PSME4: variants seen among roughly 807,000 people sequenced by gnomAD.
The protein encoded by PSME4 is proteasome activator subunit 4, also known as proteasome activator complex subunit 4.
In PSME4, 89 loss-of-function variants were observed where a neutral mutation model predicts 253.9. The observed-to-expected ratio is 0.35, with a 90% CI of 0.30 to 0.42. PSME4 has a LOEUF of 0.42. Ranked by LOEUF, PSME4 falls within the 10% of genes least tolerant of loss-of-function variation. The probability of loss-of-function intolerance (pLI) is 1.00; values close to 1 mark genes in which losing one functional copy is unlikely to be tolerated. For synonymous variants in PSME4, 851 were observed against 759.2 expected (o/e 1.12, Z -1.99); for missense variants, 2,014 against 2,195.2 (o/e 0.92, Z 1.65).
At position 53,948,465 on chromosome 2, in the gene PSME4, T is replaced by A. The variant is rs2104475774; in HGVS notation, c.456A>T (p.Ile152=). The change falls in exon 3 of 47, where the codon ATA becomes ATT. Residue 152 remains isoleucine, a synonymous_variant. Coordinates refer to ENST00000404125, the MANE Select transcript of PSME4 (RefSeq NM_014614.3). ...CTAGGTGCTCTGTCTTGGAATATAA[T>A]ATTCTTTCTACCATGTCATAAAGTG... ...WRPLYDMVER[I]LYSKTEHLGL... is the part of the protein sequence containing the mutation. 6.2e-7 allele frequency: 1 copy of A among 1,613,544 alleles called. No homozygotes were observed. Among genetic ancestry groups the A allele is most frequent in the East Asian group, 2.2e-5 (1 of 44,846 alleles).
intron 41 of PSME4, among the ~76,000 whole-genome samples, chr2:53,876,744 G>T (rs545437329): frequency 9.2e-4 from 71 of 77,554 alleles, no homozygotes; most frequent in African/African-American, 3.3e-3. Flanking sequence ...TTTGAGACAG[G>T]GTCTTGCGCT....
chr2:53,948,499 G>T lies in PSME4; in HGVS notation c.422C>A (p.Pro141His). The T allele has an allele frequency of 6.2e-7, 1 of 1,613,162 alleles. No individual in the cohort carries two copies. The highest frequency in any genetic ancestry group is 8.5e-7 in the Non-Finnish European group (1 of 1,179,442). Residue 141 changes from proline to histidine, a missense_variant, in exon 3 of 47, where the codon CCC (proline) becomes CAC (histidine). By Grantham distance (77) the Pro-to-His change is moderately conservative. This residue lies in a region of PSME4 where 615 missense variants were observed against 594.4 expected (regional missense o/e 1.03). Transcript: ENST00000404125. Reference sequence around the variant, plus strand: ...TACCATGTCATAAAGTGGTCTCCAGGGTAACTCCAAATCAGCTCTTGAAAG... The same window carrying T: ...TACCATGTCATAAAGTGGTCTCCAGTGTAACTCCAAATCAGCTCTTGAAAG... ...ELLSRADLELPWRPLYDMVER... is the reference protein window; with the variant it reads ...ELLSRADLELHWRPLYDMVER...
In PSME4 at chr2:53,922,563, T is replaced by G; in HGVS notation, c.2000A>C (p.Glu667Ala). Residue 667 changes from glutamate to alanine, a missense_variant, in exon 17 of 47, where the codon GAA becomes GCA. Glu to Ala is a moderately radical substitution (Grantham distance 107, BLOSUM62 -1). Around this residue, in one of 4 missense-constraint regions of PSME4, gnomAD observed 989 missense variants for 1,021.1 expected, o/e 0.97. Transcript: ENST00000404125. ...LTMNDDVLND[E>A]ELDKELLWNL... The stretch of plus-strand genomic sequence containing the variant: ...CCATAGTAATTCCTTGTCTAGCTCT[T>G]CATCATTTAATACATCATCATCTAA... 1 of 1,613,012 alleles carries G rather than the reference T, an allele frequency of 6.2e-7. No homozygotes were observed. Among genetic ancestry groups the G allele is most frequent in the Non-Finnish European group, 8.5e-7 (1 of 1,179,596 alleles).
chr2:53,898,633 G>GCACACACACA lies in PSME4; in HGVS notation c.3423-289_3423-280dup, dbSNP rs199900623. On this transcript the variant is annotated intron_variant, in intron 29 of 46. Coordinates refer to ENST00000404125, the MANE Select transcript of PSME4 (RefSeq NM_014614.3). ...AGTAGTAATCAATTAATTGGGAGTG[G>GCACACACACA]CACACACACACACACACACACACAC... Among the ~76,000 whole-genome samples, 143 of 142,502 alleles carry GCACACACACA rather than the reference G, an allele frequency of 1.0e-3. 1 individual carries two copies. The highest frequency in any genetic ancestry group is 3.5e-3 in the Middle Eastern group (1 of 282). 93.5% of individuals were successfully genotyped at this position (142,502 alleles called of 152,430 possible). A position where few individuals can be genotyped will look rare whatever the true frequency, so the allele number is the denominator to read the frequency against.
chr2:53,947,699 C>T (rs1023482465), intron 3 of PSME4, among the ~76,000 whole-genome samples: 4 of 79,628 alleles, frequency 5.0e-5, no homozygotes, highest in Non-Finnish European at 9.9e-5. Flanking sequence ...GAGCGAGACT[C>T]CATCTCAAAA....
intron 37 of PSME4, among the ~76,000 whole-genome samples, chr2:53,889,617 G>A (rs962178837): frequency 2.6e-5 from 4 of 152,162 alleles, no homozygotes; most frequent in East Asian, 1.9e-4. Context: ...TGTGACTATC[G>A]CAGTTCAAGT....
Position 53,936,803 on chromosome 2 carries a change from G to A in PSME4, c.720C>T (p.Gly240=), listed in dbSNP as rs1339842095. The change falls in exon 6 of 47, where the codon GGC becomes GGT. Residue 240 remains glycine (G), a synonymous_variant. Coordinates refer to ENST00000404125, the MANE Select transcript of PSME4 (RefSeq NM_014614.3). The stretch of plus-strand genomic sequence containing the variant: ...GGAGATTTTGCACTGAAACCCAAAG[G>A]CCAATTAATTCATCAAACCAAAGTC... ...GFKLWFDELI[G]LWVSVQNLPQ... is the part of the protein sequence containing the mutation. 14 of 1,596,378 alleles carry A rather than the reference G, an allele frequency of 8.8e-6. No individual in the cohort carries two copies. The highest frequency in any genetic ancestry group is 1.2e-5 in the Non-Finnish European group (14 of 1,171,912).
At chr2:53,880,712 G>A (rs1324323125) in intron 41 of PSME4, among the ~76,000 whole-genome samples, 1 of 152,166 alleles carries the variant, frequency 6.6e-6, no homozygotes, top group African/African-American at 2.4e-5. Flanking sequence ...CTTTCGTAGG[G>A]TAAAGCAGAG....
intron 1 of PSME4, among the ~76,000 whole-genome samples, chr2:53,961,423 C>T: frequency 6.6e-6 from 1 of 152,114 alleles, no homozygotes; most frequent in East Asian, 1.9e-4. Context: ...AATCCCAGCA[C>T]TTTGGGAGGG....
chr2:53,958,141 G>A (rs535919436), intron 1 of PSME4, among the ~76,000 whole-genome samples: 88 of 146,230 alleles, frequency 6.0e-4, no homozygotes, highest in Middle Eastern at 3.7e-3. Context: ...AGGCAAGATC[G>A]CGCCACTGCA....
intron 16 of PSME4, 102 bp downstream of exon 16, chr2:53,922,947 A>G (rs1333025153): frequency 3.0e-6 from 3 of 986,754 alleles, no homozygotes; most frequent in Non-Finnish European, 1.4e-6. Flanking sequence ...CAATCAAAAT[A>G]TTGTGAAGCT....
intron 44 of PSME4, among the ~76,000 whole-genome samples, chr2:53,867,203 AT>A (rs1417993710): frequency 6.6e-6 from 1 of 152,100 alleles, no homozygotes; most frequent in Non-Finnish European, 1.5e-5. Context: ...TCCAAAAATA[AT>A]TTTTAAAAAT....
chr2:53,939,006 C>A (rs534599059), intron 4 of PSME4, among the ~76,000 whole-genome samples: 6 of 152,174 alleles, frequency 3.9e-5, no homozygotes, highest in African/African-American at 1.2e-4. Flanking sequence ...TACCTATGAG[C>A]CAGTAAGTAT....
At chr2:53,961,257 T>A (rs11692784) in intron 1 of PSME4, among the ~76,000 whole-genome samples, 5,471 of 152,346 alleles carry the variant, frequency 0.036, 139 homozygotes, top group Non-Finnish European at 0.056. Flanking sequence ...GCTGTTGTTG[T>A]TTGCTTACCG....
rs780878422 is a variant in PSME4, at chr2:53,932,648, T to C, written c.1050+20A>G. On this transcript the variant is annotated intron_variant, in intron 9 of 46. Transcript: ENST00000404125. ...TCTTTAAAAATTCCAAGCCCTATAA[T>C]GCAAAACGAAGTTACTCACCAGCCA... is the stretch of plus-strand genomic sequence containing the variant. The C allele has an allele frequency of 6.3e-7, 1 of 1,578,932 alleles. No individual in the cohort carries two copies.
At chr2:53,964,113 C>A (rs1427698717) in intron 1 of PSME4, among the ~76,000 whole-genome samples, 1 of 151,842 alleles carries the variant, frequency 6.6e-6, no homozygotes, top group Non-Finnish European at 1.5e-5. Context: ...GAAGAAATAG[C>A]CAATTAACTA....
At position 53,970,774 on chromosome 2, in the gene PSME4, G is replaced by A; in HGVS notation, c.11C>T (p.Ala4Val). The A allele has an allele frequency of 6.5e-7, 1 of 1,541,586 alleles. No individual in the cohort carries two copies. The highest frequency in any genetic ancestry group is 2.5e-5 in the East Asian group (1 of 40,646). The part of the protein sequence containing the change: MEP[A>V]ERAGVGEPPE... ...GGGCTCTCCGACTCCCGCCCGCTCG[G>A]CCGGCTCCATGAGCCCAGGGACACC... Residue 4 changes from alanine (A) to valine (V), a missense_variant, in exon 1 of 47, where the codon GCC (alanine) becomes GTC (valine). By Grantham distance (64) the Ala-to-Val change is moderately conservative. This residue lies in a region of PSME4 where 615 missense variants were observed against 594.4 expected (regional missense o/e 1.03). Coordinates refer to ENST00000404125, the MANE Select transcript of PSME4 (RefSeq NM_014614.3).
rs1678584425 is a variant in PSME4 at position 53,866,774 on chromosome 2, T to G, written c.5370A>C (p.Ala1790=). 6.2e-7 allele frequency: 1 copy of G among 1,613,838 alleles called. No individual in the cohort carries two copies. Among genetic ancestry groups the G allele is most frequent in the Non-Finnish European group, 8.5e-7 (1 of 1,179,788 alleles). ...CAATAGGCTGAGGATCATTTAGATGTGCACTGAGATTCATGAGGAGCTGGG... is the reference window on the plus strand; with the variant it reads ...CAATAGGCTGAGGATCATTTAGATGGGCACTGAGATTCATGAGGAGCTGGG... ...WMPQLLMNLS[A]HLNDPQPIEM... Residue 1790 remains alanine, a synonymous_variant, in exon 45 of 47, where the codon GCA becomes GCC. Transcript: ENST00000404125.
rs184604613 is a variant in PSME4, at chr2:53,904,110, T to C, written c.2990A>G (p.Tyr997Cys). The C allele has an allele frequency of 2.5e-6, 4 of 1,613,650 alleles. No individual in the cohort carries two copies. The highest frequency in any genetic ancestry group is 4.5e-5 in the East Asian group (2 of 44,814). ...QQTFFAALGA[Y>C]NFCCRDIIPL... ...AATGATATCTCTGCAACAGAAGTTA[T>C]ATGCTCCCAAGGCAGCAAAAAATGT... is the stretch of plus-strand genomic sequence containing the variant. Residue 997 changes from tyrosine to cysteine, a missense_variant, in exon 27 of 47, where the codon TAT becomes TGT. By Grantham distance (194) the Tyr-to-Cys change is radical. Transcript: ENST00000404125.
Sources: allele counts gnomAD v4.1 joint callset (sites outside exome capture counted in the v4.1 genomes callset), GRCh38; gene constraint gnomAD v4.1.1; regional missense constraint gnomAD v4.1.1; transcripts MANE v1.5; gene names NCBI Gene and HGNC (gene_info 2026-07-23, HGNC 2026-07-21).